The following PTPRD variants were observed in gnomAD, a reference collection of about 807,000 sequenced individuals.
PTPRD encodes the protein receptor-type tyrosine-protein phosphatase delta.
A neutral mutation model predicts 214.5 loss-of-function variants in PTPRD; 34 were observed. That is an observed-to-expected ratio of 0.16 (90% CI 0.12 to 0.21). The LOEUF (loss-of-function observed/expected upper bound fraction) is 0.21. Among genes scored for constraint, PTPRD ranks in the 10% least tolerant of loss-of-function variants. PTPRD has a pLI of 1.00. For synonymous variants in PTPRD, 1,128 were observed against 845.7 expected, an observed-to-expected ratio of 1.33 and a Z score of -5.79; for missense variants, 2,545 against 2,398.7, an observed-to-expected ratio of 1.06 and a Z score of -1.27.
At chr9:9,385,024 G>T (rs553743991) in intron 9 of PTPRD, among the ~76,000 whole-genome samples, 4 of 151,868 alleles carry the variant, frequency 2.6e-5, no homozygotes, top group Non-Finnish European at 5.9e-5. Context: ...TTTCTATCAG[G>T]TGCTATTTGG....
rs1172955634 is a variant in PTPRD at position 9,980,635 on chromosome 9, CAAA to C, written c.-471-42028_-471-42026del. Among the ~76,000 whole-genome samples, 2 of 34,034 alleles carry C rather than the reference CAAA, an allele frequency of 5.9e-5. 1 individual carries two copies. The highest frequency in any genetic ancestry group is 2.2e-4 in the African/African-American group (2 of 9,248). 22.3% of individuals were successfully genotyped at this position (34,034 alleles called of 152,430 possible). A position where few individuals can be genotyped will look rare whatever the true frequency, so the allele number is the denominator to read the frequency against. On this transcript the variant is annotated intron_variant, in intron 4 of 45. Coordinates refer to ENST00000381196, the MANE Select transcript of PTPRD (RefSeq NM_002839.4). ...AAAAAAAACAAAAAAAAAAAAAAAA[CAAA>C]AAAAAAAACCCTTTATGGATCAAAA...
At chr9:8,773,247 A>G (rs1327684499) in intron 11 of PTPRD, among the ~76,000 whole-genome samples, 2 of 152,174 alleles carry the variant, frequency 1.3e-5, no homozygotes, top group Non-Finnish European at 2.9e-5. Flanking sequence ...AAGCCTCTGT[A>G]GATCTCCAGA....
intron 10 of PTPRD, among the ~76,000 whole-genome samples, chr9:9,130,142 G>C (rs10114235): frequency 0.034 from 5,164 of 152,158 alleles, 190 homozygotes; most frequent in African/African-American, 0.076. Context: ...TATTTTCAGG[G>C]GGGCTTGGGC....
intron 11 of PTPRD, among the ~76,000 whole-genome samples, chr9:8,936,564 T>TTCATC (rs1260713027): frequency 1.3e-5 from 2 of 152,292 alleles, no homozygotes; most frequent in Non-Finnish European, 1.5e-5. Context: ...TTTTCAGTAG[T>TTCATC]TCATCTCTAA....
chr9:9,709,324 T>C (rs1194970237), intron 7 of PTPRD, among the ~76,000 whole-genome samples: 1 of 151,982 alleles, frequency 6.6e-6, no homozygotes, highest in African/African-American at 2.4e-5. Flanking sequence ...TCAACTAATA[T>C]GACTTTCTAT....
At chr9:9,163,119 C>G (rs2154494787) in intron 10 of PTPRD, among the ~76,000 whole-genome samples, 1 of 152,266 alleles carries the variant, frequency 6.6e-6, no homozygotes, top group South Asian at 2.1e-4. Flanking sequence ...CTCCACCTCA[C>G]TCTAGGACTT....
At chr9:9,875,633 TATCA>T (rs1298596292) in intron 5 of PTPRD, among the ~76,000 whole-genome samples, 11 of 152,264 alleles carry the variant, frequency 7.2e-5, no homozygotes, top group African/African-American at 2.6e-4. Flanking sequence ...AACAATGTCT[TATCA>T]GTTTGGAAAC....
intron 2 of PTPRD, among the ~76,000 whole-genome samples, chr9:10,467,854 C>G (rs2099004928): frequency 6.6e-6 from 1 of 152,030 alleles, no homozygotes; most frequent in Non-Finnish European, 1.5e-5. Context: ...CATAAAGATA[C>G]TTCTCAAAGG....
chr9:8,319,834 T>C lies in PTPRD; in HGVS notation c.5667A>G (p.Thr1889=). ...LRTQRPAMVQ[T]EDQYQFSYRA... ...AAAATGCAATGGATTTTCTCACCTC[T>C]GTCTGTACCATAGCTGGTCGTTGTG... is the stretch of plus-strand genomic sequence containing the variant. Residue 1889 remains threonine (T), a synonymous_variant, in exon 45 of 46, where the codon ACA becomes ACG. Transcript: ENST00000381196. 1 of 1,612,718 alleles carries C rather than the reference T, an allele frequency of 6.2e-7. No individual in the cohort carries two copies. Among genetic ancestry groups the C allele is most frequent in the Non-Finnish European group, 8.5e-7 (1 of 1,179,238 alleles).
chr9:8,636,752 G>A lies in PTPRD; in HGVS notation c.157C>T (p.Pro53Ser), dbSNP rs2096447749. The change falls in exon 13 of 46, where the codon CCT (proline) becomes TCT (serine). Residue 53 changes from proline (P) to serine (S), a missense_variant. Transcript: ENST00000381196. ...FICQATGDPR[P>S]KIVWNKKGKK... ...CCTTTTTTGTTCCAGACAATTTTAG[G>A]TCTTGGGTCTCCCGTAGCTTGGCAG... 6.2e-7 allele frequency: 1 copy of A among 1,614,002 alleles called. No individual in the cohort carries two copies. The highest frequency in any genetic ancestry group is 8.5e-7 in the Non-Finnish European group (1 of 1,179,954).
At chr9:8,518,868 A>T (rs200988488) in intron 20 of PTPRD, among the ~76,000 whole-genome samples, 17,497 of 152,156 alleles carry the variant, frequency 0.11, 1,107 homozygotes, top group East Asian at 0.26. Context: ...CCACAAAAAA[A>T]CCTTAGTATT....
At chr9:10,403,049 T>C (rs1487847862) in intron 2 of PTPRD, among the ~76,000 whole-genome samples, 2 of 151,154 alleles carry the variant, frequency 1.3e-5, no homozygotes, top group Admixed American at 6.6e-5. Flanking sequence ...CACATCAACA[T>C]AAATAGTTTC....
chr9:9,055,946 C>G (rs1266127827), intron 10 of PTPRD, among the ~76,000 whole-genome samples: 1 of 151,954 alleles, frequency 6.6e-6, no homozygotes, highest in African/African-American at 2.4e-5. Flanking sequence ...ATATTCTGCA[C>G]ATGGTTTATT....
intron 9 of PTPRD, among the ~76,000 whole-genome samples, chr9:9,381,051 T>C (rs763398763): frequency 2.2e-4 from 34 of 152,158 alleles, no homozygotes; most frequent in Admixed American, 1.5e-3. Context: ...TCTTCACTCA[T>C]TTATTTTTAA....
At chr9:10,304,419 A>T (rs1008735823) in intron 3 of PTPRD, among the ~76,000 whole-genome samples, 6 of 152,178 alleles carry the variant, frequency 3.9e-5, no homozygotes, top group African/African-American at 1.4e-4. Flanking sequence ...CCGGTGAATC[A>T]GGCAGGAGAA....
intron 43 of PTPRD, among the ~76,000 whole-genome samples, chr9:8,332,662 A>T (rs1488975969): frequency 6.7e-6 from 1 of 148,654 alleles, no homozygotes; most frequent in Non-Finnish European, 1.5e-5. Flanking sequence ...TGATCTTCTG[A>T]TCCCTTGTGG....
intron 9 of PTPRD, among the ~76,000 whole-genome samples, chr9:9,189,266 G>C (rs1027809165): frequency 6.6e-6 from 1 of 152,010 alleles, no homozygotes; most frequent in Non-Finnish European, 1.5e-5. Context: ...AAGAGATCTT[G>C]AACAACATCT....
intron 6 of PTPRD, among the ~76,000 whole-genome samples, chr9:9,735,019 G>C (rs1361251752): frequency 6.6e-6 from 1 of 151,946 alleles, no homozygotes; most frequent in Non-Finnish European, 1.5e-5. Flanking sequence ...ATTAGTTCTG[G>C]CTTTGATTTA....
chr9:8,858,436 G>A lies in PTPRD; in HGVS notation c.-103-124490C>T, dbSNP rs564281364. Reference sequence around the variant, plus strand: ...GGGTGGCCGGTGCAGCCCAGTCTTTGGACCTGGCTTGAACCTGGTAGTTAC... The same window carrying A: ...GGGTGGCCGGTGCAGCCCAGTCTTTAGACCTGGCTTGAACCTGGTAGTTAC... On this transcript the variant is annotated intron_variant, in intron 11 of 45. Transcript: ENST00000381196. The A allele has an allele frequency of 4.5e-3, 681 of 152,462 alleles. 12 individuals are homozygous for A. Among genetic ancestry groups the A allele is most frequent in the Non-Finnish European group, 6.4e-3 (438 of 68,192 alleles). 9.4% of individuals were successfully genotyped at this position (152,462 alleles called of 1,614,324 possible). A position where few individuals can be genotyped will look rare whatever the true frequency, so the allele number is the denominator to read the frequency against.
Sources: allele counts gnomAD v4.1 joint callset (sites outside exome capture counted in the v4.1 genomes callset), GRCh38; gene constraint gnomAD v4.1.1; transcripts MANE v1.5; gene names NCBI Gene and HGNC (gene_info 2026-07-23, HGNC 2026-07-21).